PLXNA2: variants seen among roughly 807,000 people sequenced by gnomAD.
PLXNA2 encodes plexin A2, also known as plexin-A2.
A neutral mutation model predicts 193.5 loss-of-function variants in PLXNA2; 91 were observed. The ratio of observed to expected loss-of-function variants is 0.47; its 90% CI spans 0.40 to 0.56. PLXNA2 has a LOEUF of 0.56. Ranked by LOEUF, PLXNA2 falls within the 20% of genes least tolerant of loss-of-function variation. The pLI, the probability that PLXNA2 is intolerant of heterozygous loss-of-function variation, is 0.00. For missense variants in PLXNA2, 1,995 were observed against 2,503.2 expected (o/e 0.80, Z 4.33); for synonymous variants, 997 against 1,027.3 (o/e 0.97, Z 0.56).
intron 3 of PLXNA2, among the ~76,000 whole-genome samples, chr1:208,199,456 G>A (rs1670467469): frequency 6.6e-6 from 1 of 152,224 alleles, no homozygotes; most frequent in Non-Finnish European, 1.5e-5. Context: ...ACTTTGGGGG[G>A]CCAAGGTGGG....
intron 1 of PLXNA2, among the ~76,000 whole-genome samples, chr1:208,231,957 G>T (rs549321075): frequency 4.6e-5 from 7 of 152,254 alleles, no homozygotes; most frequent in Non-Finnish European, 8.8e-5. Flanking sequence ...CATAGTTGGG[G>T]ATATCCTGTT....
chr1:208,104,379 C>T (rs1197042751), intron 4 of PLXNA2, among the ~76,000 whole-genome samples: 1 of 152,166 alleles, frequency 6.6e-6, no homozygotes, highest in Non-Finnish European at 1.5e-5. Flanking sequence ...GAAACGACAG[C>T]GAACAGCACA....
At chr1:208,208,543 A>T (rs1230121870) in intron 3 of PLXNA2, among the ~76,000 whole-genome samples, 1 of 152,232 alleles carries the variant, frequency 6.6e-6, no homozygotes. Flanking sequence ...ACAGGATTAA[A>T]GGGGAAGAAG....
intron 12 of PLXNA2, among the ~76,000 whole-genome samples, chr1:208,063,484 A>G (rs1665681716): frequency 6.6e-6 from 1 of 152,240 alleles, no homozygotes; most frequent in Admixed American, 6.5e-5. Flanking sequence ...GGCAAGCATT[A>G]TAATCTTGGC....
At position 208,023,487 on chromosome 1, in the gene PLXNA2, C is replaced by T. The variant is rs1558150123; in HGVS notation, c.*3756G>A. On this transcript the variant is annotated 3_prime_UTR_variant, in exon 32 of 32. Transcript: ENST00000367033. ...GGGCCAGGGGTCTTGACTGCTATTT[C>T]CTGTCCTCATTTGGTGGAACTGAAG... 1 of 152,792 alleles carries T rather than the reference C, an allele frequency of 6.5e-6. No homozygotes were observed. The highest frequency in any genetic ancestry group is 1.5e-5 in the Non-Finnish European group (1 of 68,178). The allele number at this position is 152,792 out of a possible 1,614,324, so 9.5% of individuals were successfully genotyped here.
intron 3 of PLXNA2, among the ~76,000 whole-genome samples, chr1:208,173,208 C>T (rs772810229): frequency 2.0e-5 from 3 of 152,148 alleles, no homozygotes; most frequent in African/African-American, 4.8e-5. Context: ...GTACTTGGAA[C>T]AGTAGATGGC....
Position 208,243,820 on chromosome 1 carries a change from C to G in PLXNA2, c.-258G>C, listed in dbSNP as rs1439997842. On this transcript the variant is annotated 5_prime_UTR_variant, in exon 1 of 32. Transcript: ENST00000367033. ...CCACGTCAAGCCACCAGACACTTAT[C>G]TGTATTCCTGAAGTCGCTCCTCGGT... 3 of 152,328 alleles carry G rather than the reference C, an allele frequency of 2.0e-5. No homozygotes were observed. The highest frequency in any genetic ancestry group is 4.4e-5 in the Non-Finnish European group (3 of 68,130). 9.4% of individuals were successfully genotyped at this position (152,328 alleles called of 1,614,324 possible). A position where few individuals can be genotyped will look rare whatever the true frequency, so the allele number is the denominator to read the frequency against.
chr1:208,218,443 T>C (rs1671218568), intron 1 of PLXNA2, among the ~76,000 whole-genome samples: 1 of 152,086 alleles, frequency 6.6e-6, no homozygotes, highest in Non-Finnish European at 1.5e-5. Flanking sequence ...TCCCCCAGGC[T>C]CTCCAGGTCA....
At chr1:208,108,349 A>G (rs1667342215) in intron 4 of PLXNA2, among the ~76,000 whole-genome samples, 1 of 152,222 alleles carries the variant, frequency 6.6e-6, no homozygotes, top group African/African-American at 2.4e-5. Context: ...TAAGGCCAGG[A>G]AAGCCTCAGA....
chr1:208,153,004 T>C (rs1187638092), intron 3 of PLXNA2, among the ~76,000 whole-genome samples: 1 of 152,128 alleles, frequency 6.6e-6, no homozygotes, highest in Non-Finnish European at 1.5e-5. Context: ...TATGCAGTCA[T>C]CTTTCCTAAG....
chr1:208,124,837 A>T (rs1667923149), intron 4 of PLXNA2, among the ~76,000 whole-genome samples: 3 of 151,868 alleles, frequency 2.0e-5, no homozygotes, highest in African/African-American at 7.3e-5. Flanking sequence ...AGGGAGAGGA[A>T]ATTGTCCACA....
chr1:208,186,708 ATTTTATTTTTT>A lies in PLXNA2; in HGVS notation c.1371+23561_1371+23571del, dbSNP rs1408070818. On this transcript the variant is annotated intron_variant, in intron 3 of 31. Transcript: ENST00000367033. The stretch of plus-strand genomic sequence containing the variant: ...GGGCTGTCCTGGGAATTGCAATGTT[ATTTTATTTTTT>A]TTTTTTTTTTTGAGACGGAGTCTCG... Among the ~76,000 whole-genome samples the A allele has an allele frequency of 5.3e-3, 590 of 111,744 alleles. 16 individuals are homozygous for A. Among genetic ancestry groups the A allele is most frequent in the African/African-American group, 0.016 (536 of 33,278 alleles). 73.3% of individuals were successfully genotyped at this position (111,744 alleles called of 152,430 possible). A position where few individuals can be genotyped will look rare whatever the true frequency, so the allele number is the denominator to read the frequency against.
Position 208,052,379 on chromosome 1 carries a change from C to A in PLXNA2, c.2941G>T (p.Ala981Ser). 2 of 1,614,010 alleles carry A rather than the reference C, an allele frequency of 1.2e-6. No individual in the cohort carries two copies. The highest frequency in any genetic ancestry group is 1.3e-5 in the African/African-American group (1 of 75,050). ...MVTITGHYLG[A>S]GSSVAVYLGN... Reference sequence around the variant, plus strand: ...AGGTAGACTGCCACGCTGCTCCCAGCCCCAAGGTAATGGCCGGTAATGGTC... The same window carrying A: ...AGGTAGACTGCCACGCTGCTCCCAGACCCAAGGTAATGGCCGGTAATGGTC... The change falls in exon 15 of 32, where the codon GCT (alanine) becomes TCT (serine). Residue 981 changes from alanine (A) to serine (S), a missense_variant. Transcript: ENST00000367033.
intron 3 of PLXNA2, among the ~76,000 whole-genome samples, chr1:208,205,935 C>T (rs1670706587): frequency 6.6e-6 from 1 of 152,190 alleles, no homozygotes; most frequent in Non-Finnish European, 1.5e-5. Context: ...AATCACATTT[C>T]AAGTCCTAGC....
intron 10 of PLXNA2, among the ~76,000 whole-genome samples, chr1:208,083,188 C>T (rs1309029896): frequency 6.6e-6 from 1 of 152,202 alleles, no homozygotes; most frequent in African/African-American, 2.4e-5. Context: ...TTTCCGGACA[C>T]AGACCTCATC....
chr1:208,192,500 T>C (rs1042367610), intron 3 of PLXNA2, among the ~76,000 whole-genome samples: 1 of 151,804 alleles, frequency 6.6e-6, no homozygotes, highest in Non-Finnish European at 1.5e-5. Flanking sequence ...AAGAAATAGA[T>C]AGATGAAATA....
intron 4 of PLXNA2, among the ~76,000 whole-genome samples, chr1:208,128,156 G>C (rs1275338614): frequency 1.3e-5 from 2 of 152,218 alleles, no homozygotes; most frequent in East Asian, 1.9e-4. Context: ...GGGAGAAGCA[G>C]ACAAGAGAGC....
chr1:208,022,641 TG>T lies in PLXNA2; in HGVS notation c.*4601del, dbSNP rs1225021422. 6.6e-6 allele frequency: 1 copy of T among 152,526 alleles called. No individual in the cohort carries two copies. Among genetic ancestry groups the T allele is most frequent in the Admixed American group, 6.6e-5 (1 of 15,264 alleles). The allele number at this position is 152,526 out of a possible 1,614,324, so 9.4% of individuals were successfully genotyped here. A position where few individuals can be genotyped will look rare whatever the true frequency, so the allele number is the denominator to read the frequency against. ...CACACGCAAGAATATCTGTTCTGTTTGGGGGGAGTATTTCCATTCTGCCTGC... is the reference window on the plus strand; with the variant it reads ...CACACGCAAGAATATCTGTTCTGTTTGGGGGAGTATTTCCATTCTGCCTGC... On this transcript the variant is annotated 3_prime_UTR_variant, in exon 32 of 32. Transcript: ENST00000367033.
At chr1:208,072,867 T>C (rs1200369994) in intron 12 of PLXNA2, among the ~76,000 whole-genome samples, 1 of 152,088 alleles carries the variant, frequency 6.6e-6, no homozygotes, top group Non-Finnish European at 1.5e-5. Context: ...TGGCATCTCT[T>C]GGTAAGTTCC....
Sources: allele counts gnomAD v4.1 joint callset (sites outside exome capture counted in the v4.1 genomes callset), GRCh38; gene constraint gnomAD v4.1.1; transcripts MANE v1.5; gene names NCBI Gene and HGNC (gene_info 2026-07-23, HGNC 2026-07-21).